The following ATOH8 variants were observed in gnomAD, a reference collection of about 807,000 sequenced individuals.
The protein encoded by ATOH8 is transcription factor ATOH8.
Under a neutral mutation model 21.2 loss-of-function variants are expected in ATOH8, and 9 were observed. That is an observed-to-expected ratio of 0.42 (90% CI 0.26 to 0.74). The LOEUF (loss-of-function observed/expected upper bound fraction) is 0.74. Ranked by LOEUF, ATOH8 falls within the 30% of genes least tolerant of loss-of-function variation. The pLI is 0.24. For missense variants in ATOH8, 524 were observed against 470.9 expected, an observed-to-expected ratio of 1.11 and a Z score of -1.04; for synonymous variants, 253 against 224.0, an observed-to-expected ratio of 1.13 and a Z score of -1.16.
At chr2:85,776,607 T>G (rs532949892) in intron 2 of ATOH8, among the ~76,000 whole-genome samples, 58 of 152,158 alleles carry the variant, frequency 3.8e-4, no homozygotes, top group African/African-American at 1.4e-3. Context: ...TCTGCTGGGG[T>G]CCGGTGGAGG....
intron 1 of ATOH8, among the ~76,000 whole-genome samples, chr2:85,763,221 T>C (rs944649646): frequency 6.6e-6 from 1 of 152,188 alleles, no homozygotes; most frequent in East Asian, 1.9e-4. Context: ...TTTTTGCTCA[T>C]GCAGCACAAA....
At chr2:85,764,488 G>A (rs1314931281) in intron 2 of ATOH8, among the ~76,000 whole-genome samples, 1 of 152,198 alleles carries the variant, frequency 6.6e-6, no homozygotes, top group African/African-American at 2.4e-5. Context: ...GGCCTTAGGT[G>A]CTCTGGTGCT....
chr2:85,786,782 C>A, intron 2 of ATOH8, 103 bp from the exon 3 acceptor site: 2 of 1,554,636 alleles, frequency 1.3e-6, no homozygotes, highest in Non-Finnish European at 1.8e-6. Flanking sequence ...AAGGTGGGGG[C>A]CCCTCTGCCT....
chr2:85,765,478 T>A (rs1047118896), intron 2 of ATOH8, among the ~76,000 whole-genome samples: 1 of 152,176 alleles, frequency 6.6e-6, no homozygotes, highest in Non-Finnish European at 1.5e-5. Context: ...AAAATCCTCA[T>A]CAAGTGGGTG....
intron 1 of ATOH8, among the ~76,000 whole-genome samples, chr2:85,758,192 G>T (rs1679770265): frequency 6.6e-6 from 1 of 152,238 alleles, no homozygotes; most frequent in South Asian, 2.1e-4. Context: ...AACTGTCACA[G>T]AAATTAGCAT....
chr2:85,768,894 G>A (rs1401955902), intron 2 of ATOH8, among the ~76,000 whole-genome samples: 2 of 152,254 alleles, frequency 1.3e-5, no homozygotes, highest in South Asian at 4.1e-4. Flanking sequence ...GTCAGAGGCC[G>A]CCCAGCAGAG....
intron 1 of ATOH8, among the ~76,000 whole-genome samples, chr2:85,759,145 C>T (rs1238656314): frequency 6.6e-6 from 1 of 152,208 alleles, no homozygotes; most frequent in Non-Finnish European, 1.5e-5. Flanking sequence ...ACCGAGTGAA[C>T]TCAGGGTGGC....
Position 85,754,685 on chromosome 2 carries a change from T to TCAGCACCCCCAGCACCGC in ATOH8, c.501_518dup (p.Ala170_Pro175dup), listed in dbSNP as rs768082778. 3.3e-5 allele frequency: 53 copies of TCAGCACCCCCAGCACCGC among 1,583,088 alleles called. No individual in the cohort carries two copies. The Middle Eastern group carries it at 8.4e-4, about 25-fold the overall frequency. ...CGCACCGCCCGCGCGCCCCGCGCCG[T>TCAGCACCCCCAGCACCGC]CAGCACCCCCAGCACCGCCAGCGCC... On this transcript the variant is annotated inframe_insertion, in exon 1 of 3. Transcript: ENST00000306279.
chr2:85,755,346 G>C lies in ATOH8; in HGVS notation c.768+389G>C, dbSNP rs1679657391. Among the ~76,000 whole-genome samples, 4 of 152,196 alleles carry C rather than the reference G, an allele frequency of 2.6e-5. 1 individual carries two copies. The highest frequency in any genetic ancestry group is 2.6e-4 in the Admixed American group (4 of 15,284). ...AGGAAGGGGGGAGCCTTCTCCAGTT[G>C]GTGGTGGCAAGGTCCGGAACGCTGC... On this transcript the variant is annotated intron_variant, in intron 1 of 2. Coordinates refer to ENST00000306279, the MANE Select transcript of ATOH8 (RefSeq NM_032827.7).
chr2:85,782,709 CAG>C (rs1396296228), intron 2 of ATOH8, among the ~76,000 whole-genome samples: 2 of 152,220 alleles, frequency 1.3e-5, no homozygotes, highest in South Asian at 2.1e-4. Flanking sequence ...TGTTTTGAGA[CAG>C]AGTCTCCAGA....
chr2:85,765,382 G>A (rs1025372918), intron 2 of ATOH8, among the ~76,000 whole-genome samples: 3 of 152,192 alleles, frequency 2.0e-5, no homozygotes, highest in South Asian at 2.1e-4. Flanking sequence ...GGAGGGTCAC[G>A]ACACCTTCTC....
intron 2 of ATOH8, among the ~76,000 whole-genome samples, chr2:85,769,825 C>G (rs887742712): frequency 2.0e-4 from 31 of 152,226 alleles, no homozygotes; most frequent in Non-Finnish European, 4.4e-4. Flanking sequence ...TTCAGTTCCA[C>G]CTATGGCCCC....
At position 85,787,011 on chromosome 2, in the gene ATOH8, C is replaced by T. The variant is rs1680637257; in HGVS notation, c.*121C>T. ...CTCCAAGATGCCGCCAGATGCCCAGCCTACAGCCTCTCAGGGTCGGATCGG... is the reference window on the plus strand; with the variant it reads ...CTCCAAGATGCCGCCAGATGCCCAGTCTACAGCCTCTCAGGGTCGGATCGG... On this transcript the variant is annotated 3_prime_UTR_variant, in exon 3 of 3. Coordinates refer to ENST00000306279, the MANE Select transcript of ATOH8 (RefSeq NM_032827.7). 2.2e-6 allele frequency: 3 copies of T among 1,336,840 alleles called. No individual in the cohort carries two copies. The South Asian group carries it at 3.7e-5, about 17-fold the overall frequency. The allele number at this position is 1,336,840 out of a possible 1,614,324, so 82.8% of individuals were successfully genotyped here. A position where few individuals can be genotyped will look rare whatever the true frequency, so the allele number is the denominator to read the frequency against.
chr2:85,757,625 C>T (rs1027925662), intron 1 of ATOH8, among the ~76,000 whole-genome samples: 1 of 152,160 alleles, frequency 6.6e-6, no homozygotes, highest in African/African-American at 2.4e-5. Flanking sequence ...TGTTCCTCCC[C>T]TGCATGCCTT....
chr2:85,761,726 G>A (rs1679875704), intron 1 of ATOH8, among the ~76,000 whole-genome samples: 1 of 152,202 alleles, frequency 6.6e-6, no homozygotes, highest in Admixed American at 6.5e-5. Context: ...CACCCTCCCT[G>A]GGGTGAAGAG....
At position 85,787,614 on chromosome 2, in the gene ATOH8, G is replaced by A. The variant is rs1680656651; in HGVS notation, c.*724G>A. 1 of 152,742 alleles carries A rather than the reference G, an allele frequency of 6.5e-6. No homozygotes were observed. The highest frequency in any genetic ancestry group is 1.5e-5 in the Non-Finnish European group (1 of 68,138). The allele number at this position is 152,742 out of a possible 1,614,324, so 9.5% of individuals were successfully genotyped here. ...CAGAAGGGAGTAAGCAGGGAGAGAA[G>A]CAATATTACTCCCTCCCCTACACCA... On this transcript the variant is annotated 3_prime_UTR_variant, in exon 3 of 3. Transcript: ENST00000306279.
intron 2 of ATOH8, among the ~76,000 whole-genome samples, chr2:85,784,115 G>C (rs1234595297): frequency 6.6e-6 from 1 of 152,224 alleles, no homozygotes; most frequent in Non-Finnish European, 1.5e-5. Flanking sequence ...ACCTTTGCAA[G>C]CCCTTTGCTA....
rs185241873 is a variant in ATOH8 at position 85,757,252 on chromosome 2, G to C, written c.768+2295G>C. ...GACGTTTCTGGTCATAGAACCAGGG[G>C]CCAAGGCCACACCCACCATGTCCTC... is the stretch of plus-strand genomic sequence containing the variant. On this transcript the variant is annotated intron_variant, in intron 1 of 2. Coordinates refer to ENST00000306279, the MANE Select transcript of ATOH8 (RefSeq NM_032827.7). Among the ~76,000 whole-genome samples, 50 of 152,372 alleles carry C rather than the reference G, an allele frequency of 3.3e-4. No homozygotes were observed. The Middle Eastern group carries it at 0.01, about 31-fold the overall frequency.
At chr2:85,772,793 CT>C (rs1335304205) in intron 2 of ATOH8, 14 of 456,138 alleles carry the variant, frequency 3.1e-5, no homozygotes, top group Admixed American at 2.6e-4. Context: ...TTTCTCTTGA[CT>C]TTTTATCTCT....
Sources: allele counts gnomAD v4.1 joint callset (sites outside exome capture counted in the v4.1 genomes callset), GRCh38; gene constraint gnomAD v4.1.1; transcripts MANE v1.5; gene names NCBI Gene and HGNC (gene_info 2026-07-23, HGNC 2026-07-21).